The following LPP variants were observed in gnomAD, a reference collection of about 807,000 sequenced individuals.
The protein encoded by LPP is lipoma-preferred partner.
Under a neutral mutation model 60.4 loss-of-function variants are expected in LPP, and 38 were observed. That is an observed-to-expected ratio of 0.63 (90% CI 0.49 to 0.83). The LOEUF (loss-of-function observed/expected upper bound fraction) is 0.83. LPP is among the 40% of genes least tolerant of loss of function. The pLI is 0.00. For synonymous variants in LPP, 328 were observed against 290.8 expected (o/e 1.13, Z -1.30); for missense variants, 902 against 783.6 (o/e 1.15, Z -1.80).
chr3:188,453,513 C>CGGGATCTGCTTGTCTCACCTCAGCGCCA (rs1560424879), intron 4 of LPP, among the ~76,000 whole-genome samples: 1 of 151,992 alleles, frequency 6.6e-6, no homozygotes, highest in Non-Finnish European at 1.5e-5. Flanking sequence ...CTCCTTCCGA[C>CGGGATCTGCTTGTCTCACCTCAGCGCCA]GGGATCTGCT....
intron 1 of LPP, among the ~76,000 whole-genome samples, chr3:188,183,307 G>T (rs1452531645): frequency 6.6e-6 from 1 of 152,192 alleles, no homozygotes; most frequent in Admixed American, 6.5e-5. Flanking sequence ...AGAGGCTTGA[G>T]ACATTGAAGA....
intron 7 of LPP, among the ~76,000 whole-genome samples, chr3:188,635,137 A>T (rs1211262052): frequency 6.6e-6 from 1 of 152,192 alleles, no homozygotes; most frequent in Non-Finnish European, 1.5e-5. Context: ...AAATTATATT[A>T]TTAAAATATG....
chr3:188,492,780 G>T (rs1224234318), intron 5 of LPP, among the ~76,000 whole-genome samples: 2 of 152,124 alleles, frequency 1.3e-5, no homozygotes, highest in Non-Finnish European at 2.9e-5. Context: ...CTCTATGAGG[G>T]AAAAATTATG....
At chr3:188,724,101 T>C (rs1293421461) in intron 8 of LPP, among the ~76,000 whole-genome samples, 2 of 152,206 alleles carry the variant, frequency 1.3e-5, no homozygotes, top group East Asian at 1.9e-4. Context: ...TATTGAGCAC[T>C]GACTATTTAG....
chr3:188,808,630 C>A (rs73888910), intron 9 of LPP, among the ~76,000 whole-genome samples: 6,669 of 152,150 alleles, frequency 0.044, 463 homozygotes, highest in African/African-American at 0.15. Flanking sequence ...GAAGCCTGCA[C>A]CACAACAGAT....
chr3:188,848,304 C>A (rs1761960556), intron 9 of LPP, among the ~76,000 whole-genome samples: 1 of 152,190 alleles, frequency 6.6e-6, no homozygotes, highest in African/African-American at 2.4e-5. Context: ...GAACTGGCTG[C>A]AGCTCCAATG....
At chr3:188,416,884 A>G (rs1482014886) in intron 4 of LPP, among the ~76,000 whole-genome samples, 1 of 152,178 alleles carries the variant, frequency 6.6e-6, no homozygotes, top group African/African-American at 2.4e-5. Context: ...CAGTAGGCCT[A>G]TGTAAATTAT....
rs1211040964 is a variant in LPP at position 188,874,511 on chromosome 3, G to A, written c.*32G>A. On this transcript the variant is annotated 3_prime_UTR_variant, in exon 12 of 12. Coordinates refer to ENST00000617246, the MANE Select transcript of LPP (RefSeq NM_001375462.1). Reference sequence around the variant, plus strand: ...TCACCTGTTCAGCCGGCACTGAGAAGAACGAACACAAGAAAAAGATAAGAA... The same window carrying A: ...TCACCTGTTCAGCCGGCACTGAGAAAAACGAACACAAGAAAAAGATAAGAA... 3.0e-5 allele frequency: 48 copies of A among 1,602,538 alleles called. No individual in the cohort carries two copies. Among genetic ancestry groups the A allele is most frequent in the Non-Finnish European group, 3.8e-5 (45 of 1,171,662 alleles).
At chr3:188,159,281 AC>A (rs1258923105) in intron 1 of LPP, among the ~76,000 whole-genome samples, 1 of 152,186 alleles carries the variant, frequency 6.6e-6, no homozygotes, top group Non-Finnish European at 1.5e-5. Flanking sequence ...CTCTGAGGGA[AC>A]ACCTACAATC....
At chr3:188,199,087 A>G (rs928612385) in intron 1 of LPP, among the ~76,000 whole-genome samples, 1 of 152,188 alleles carries the variant, frequency 6.6e-6, no homozygotes, top group Non-Finnish European at 1.5e-5. Flanking sequence ...TCACTCACTC[A>G]CATGACATCT....
chr3:188,240,455 T>C (rs139038841), intron 2 of LPP, among the ~76,000 whole-genome samples: 2 of 151,946 alleles, frequency 1.3e-5, no homozygotes, highest in East Asian at 1.9e-4. Context: ...AGTAGCAACT[T>C]CATAGGCACA....
chr3:188,413,271 G>C (rs1185889769), intron 4 of LPP, among the ~76,000 whole-genome samples: 1 of 152,082 alleles, frequency 6.6e-6, no homozygotes, highest in Non-Finnish European at 1.5e-5. Context: ...GAGTCTTATT[G>C]TCCTTTTCCC....
rs147307371 is a variant in LPP, at chr3:188,585,618, C to T, written c.430-23543C>T. On this transcript the variant is annotated intron_variant, in intron 6 of 11. Coordinates refer to ENST00000617246, the MANE Select transcript of LPP (RefSeq NM_001375462.1). ...AAAGCTTAGACATACATACTGCTTT[C>T]GCCCCTGGGCTACAAATACATGTTT... Among the ~76,000 whole-genome samples, 132 of 152,314 alleles carry T rather than the reference C, an allele frequency of 8.7e-4. 1 individual carries two copies. Among genetic ancestry groups the T allele is most frequent in the South Asian group, 5.6e-3 (27 of 4,826 alleles).
chr3:188,539,105 A>G (rs1003164412), intron 6 of LPP, among the ~76,000 whole-genome samples: 1 of 152,234 alleles, frequency 6.6e-6, no homozygotes, highest in Non-Finnish European at 1.5e-5. Context: ...AATTCTTTGA[A>G]TATACTAAGA....
At chr3:188,475,604 A>G (rs973590386) in intron 4 of LPP, among the ~76,000 whole-genome samples, 14 of 152,282 alleles carry the variant, frequency 9.2e-5, no homozygotes, top group African/African-American at 2.6e-4. Context: ...TTCTTACCTG[A>G]TAAGATATGA....
chr3:188,487,353 T>C (rs898929841), intron 5 of LPP, among the ~76,000 whole-genome samples: 1 of 152,174 alleles, frequency 6.6e-6, no homozygotes, highest in Non-Finnish European at 1.5e-5. Context: ...CATTAAAAAA[T>C]TCAACCATGG....
At chr3:188,270,423 C>T (rs1737349160) in intron 2 of LPP, among the ~76,000 whole-genome samples, 1 of 152,184 alleles carries the variant, frequency 6.6e-6, no homozygotes, top group Non-Finnish European at 1.5e-5. Flanking sequence ...GAATCTTCCT[C>T]TTCTCAAGTT....
intron 1 of LPP, among the ~76,000 whole-genome samples, chr3:188,212,033 A>G (rs1243962761): frequency 6.6e-6 from 1 of 151,846 alleles, no homozygotes; most frequent in Non-Finnish European, 1.5e-5. Context: ...TAATTTTTGT[A>G]TTTTTAGTAG....
chr3:188,677,746 A>G (rs1027392168), intron 7 of LPP, among the ~76,000 whole-genome samples: 2 of 152,288 alleles, frequency 1.3e-5, no homozygotes, highest in South Asian at 2.1e-4. Context: ...CCAAATCACA[A>G]TTCAGCCTAA....
Sources: allele counts gnomAD v4.1 joint callset (sites outside exome capture counted in the v4.1 genomes callset), GRCh38; gene constraint gnomAD v4.1.1; transcripts MANE v1.5; gene names NCBI Gene and HGNC (gene_info 2026-07-23, HGNC 2026-07-21).